The following CLSTN2 variants were observed in gnomAD, a reference collection of about 807,000 sequenced individuals.
The protein encoded by CLSTN2 is calsyntenin 2.
In CLSTN2, 48 loss-of-function variants were observed where a neutral mutation model predicts 101.2. That is an observed-to-expected ratio of 0.47 (90% CI 0.38 to 0.60). The LOEUF (loss-of-function observed/expected upper bound fraction) is 0.60. Among genes scored for constraint, CLSTN2 ranks in the 20% least tolerant of loss-of-function variants. The pLI, the probability that CLSTN2 is intolerant of heterozygous loss-of-function variation, is 0.00. For missense variants in CLSTN2, 1,160 were observed against 1,238.2 expected (o/e 0.94, Z 0.95); for synonymous variants, 481 against 463.6 (o/e 1.04, Z -0.48).
chr3:140,363,606 GGTAGGCAC>G (rs2087753589), intron 2 of CLSTN2, among the ~76,000 whole-genome samples: 1 of 59,974 alleles, frequency 1.7e-5, no homozygotes, highest in South Asian at 5.1e-4. Context: ...AGAGGGACCC[GGTAGGCAC>G]TTAGGGTTCT....
At chr3:140,053,534 G>A (rs1345698830) in intron 1 of CLSTN2, among the ~76,000 whole-genome samples, 1 of 152,132 alleles carries the variant, frequency 6.6e-6, no homozygotes, top group Non-Finnish European at 1.5e-5. Flanking sequence ...AGTGTTAAGA[G>A]AAGGGATGTG....
chr3:140,244,535 T>C (rs1341438781), intron 2 of CLSTN2, among the ~76,000 whole-genome samples: 2 of 152,336 alleles, frequency 1.3e-5, no homozygotes, highest in Middle Eastern at 3.4e-3. Flanking sequence ...TCAGCCTTTA[T>C]ACTTGATTCA....
At chr3:139,976,095 A>G (rs555205441) in intron 1 of CLSTN2, among the ~76,000 whole-genome samples, 7 of 152,348 alleles carry the variant, frequency 4.6e-5, no homozygotes, top group Non-Finnish European at 7.3e-5. Flanking sequence ...CAGAACATTG[A>G]CATTTCAGAA....
At chr3:139,945,483 GT>G (rs1325821275) in intron 1 of CLSTN2, among the ~76,000 whole-genome samples, 1 of 152,208 alleles carries the variant, frequency 6.6e-6, no homozygotes, top group African/African-American at 2.4e-5. Flanking sequence ...TCTTTATACT[GT>G]CTTATTAATT....
At chr3:140,443,690 T>C (rs949260323) in intron 5 of CLSTN2, among the ~76,000 whole-genome samples, 38 of 152,302 alleles carry the variant, frequency 2.5e-4, no homozygotes, top group African/African-American at 7.9e-4. Context: ...TGTTTCCAAG[T>C]AGGACAGTTC....
intron 2 of CLSTN2, among the ~76,000 whole-genome samples, chr3:140,338,118 C>A (rs947030565): frequency 1.3e-5 from 2 of 152,134 alleles, no homozygotes; most frequent in Non-Finnish European, 2.9e-5. Flanking sequence ...AGTTTAAGAG[C>A]ACTTTCTGAT....
intron 2 of CLSTN2, among the ~76,000 whole-genome samples, chr3:140,372,007 G>A (rs1263042511): frequency 6.6e-6 from 1 of 152,142 alleles, no homozygotes; most frequent in South Asian, 2.1e-4. Context: ...GGTGGAGCAG[G>A]GATAACTTCA....
At chr3:139,966,757 T>C (rs553800239) in intron 1 of CLSTN2, among the ~76,000 whole-genome samples, 137 of 152,316 alleles carry the variant, frequency 9.0e-4, no homozygotes, top group African/African-American at 2.9e-3. Flanking sequence ...TGTTTGTTGA[T>C]GGACTGAGTG....
chr3:140,399,713 T>C (rs1398857485), intron 2 of CLSTN2, among the ~76,000 whole-genome samples: 1 of 152,206 alleles, frequency 6.6e-6, no homozygotes, highest in East Asian at 1.9e-4. Flanking sequence ...ATTTTTTTCT[T>C]TTTCAACTTT....
chr3:140,533,554 C>T (rs553292782), intron 9 of CLSTN2, among the ~76,000 whole-genome samples: 1 of 151,426 alleles, frequency 6.6e-6, no homozygotes, highest in East Asian at 2.0e-4. Flanking sequence ...CTAAAAAATA[C>T]AAAAAAATTA....
chr3:139,971,480 A>T (rs762902299), intron 1 of CLSTN2, among the ~76,000 whole-genome samples: 1 of 152,206 alleles, frequency 6.6e-6, no homozygotes, highest in African/African-American at 2.4e-5. Context: ...CCTTGGGAAG[A>T]TCCCTGTCTG....
chr3:140,038,578 T>TGCAATTGCTTTTGGC (rs1418201134), intron 1 of CLSTN2, among the ~76,000 whole-genome samples: 2 of 152,308 alleles, frequency 1.3e-5, no homozygotes, highest in African/African-American at 4.8e-5. Flanking sequence ...TTGCTTTTGT[T>TGCAATTGCTTTTGGC]GCAATTGCTT....
intron 1 of CLSTN2, among the ~76,000 whole-genome samples, chr3:140,106,273 T>G (rs2009057329): frequency 6.6e-6 from 1 of 152,192 alleles, no homozygotes; most frequent in Non-Finnish European, 1.5e-5. Flanking sequence ...TATGTGGTTT[T>G]CCCTGACAGC....
intron 2 of CLSTN2, among the ~76,000 whole-genome samples, chr3:140,293,620 A>G (rs1045915028): frequency 6.6e-6 from 1 of 152,106 alleles, no homozygotes; most frequent in Admixed American, 6.5e-5. Flanking sequence ...TAGATAATGG[A>G]GTGGATGAGG....
At chr3:140,528,526 G>T (rs913085735) in intron 8 of CLSTN2, among the ~76,000 whole-genome samples, 1 of 151,970 alleles carries the variant, frequency 6.6e-6, no homozygotes, top group Non-Finnish European at 1.5e-5. Flanking sequence ...CCATAAAGGC[G>T]GGTGCTTTTT....
At chr3:140,358,529 T>C (rs2087696765) in intron 2 of CLSTN2, among the ~76,000 whole-genome samples, 2 of 152,280 alleles carry the variant, frequency 1.3e-5, no homozygotes, top group South Asian at 4.1e-4. Context: ...GTATCAGAAA[T>C]GCCTTTCAGC....
chr3:140,171,099 C>G (rs2010205532), intron 1 of CLSTN2, among the ~76,000 whole-genome samples: 2 of 152,150 alleles, frequency 1.3e-5, no homozygotes, highest in African/African-American at 4.8e-5. Flanking sequence ...AATTGTTTCT[C>G]CCAACAGCTG....
intron 1 of CLSTN2, among the ~76,000 whole-genome samples, chr3:140,016,452 A>G (rs997111719): frequency 9.9e-5 from 15 of 152,220 alleles, no homozygotes; most frequent in African/African-American, 3.6e-4. Flanking sequence ...CATTCATATG[A>G]AATTTTTTTT....
At chr3:140,288,636 C>T (rs2107901588) in intron 2 of CLSTN2, among the ~76,000 whole-genome samples, 1 of 152,166 alleles carries the variant, frequency 6.6e-6, no homozygotes. Flanking sequence ...TTTGATTTTC[C>T]TTCTTCTCAC....
Sources: allele counts gnomAD v4.1 joint callset (sites outside exome capture counted in the v4.1 genomes callset), GRCh38; gene constraint gnomAD v4.1.1; transcripts MANE v1.5; gene names NCBI Gene and HGNC (gene_info 2026-07-23, HGNC 2026-07-21).